Variants in VSNL1 observed in about 807,000 individuals in gnomAD.
VSNL1 encodes the protein visinin like 1.
Under a neutral mutation model 20.4 loss-of-function variants are expected in VSNL1, and 6 were observed. The observed-to-expected ratio is 0.29, with a 90% CI of 0.16 to 0.58. The LOEUF is 0.58. VSNL1 is among the 20% of genes least tolerant of loss of function. The pLI, the probability that VSNL1 is intolerant of heterozygous loss-of-function variation, is 0.90. For synonymous variants in VSNL1, 93 were observed against 86.4 expected (o/e 1.08, Z -0.42); for missense variants, 100 against 234.5 (o/e 0.43, Z 3.75).
At chr2:17,571,610 C>G (rs1664086395) in intron 1 of VSNL1, among the ~76,000 whole-genome samples, 1 of 152,180 alleles carries the variant, frequency 6.6e-6, no homozygotes, top group South Asian at 2.1e-4. Context: ...AGCACCTACT[C>G]AGCACCAGGG....
rs1666245237 is a variant in VSNL1 at position 17,656,945 on chromosome 2, T to A, written c.*1551T>A. ...ATTCAAGTACTTTTTATCAAATTCG[T>A]TTTTTACCGAATTCGTTTTTTACCA... On this transcript the variant is annotated 3_prime_UTR_variant, in exon 4 of 4. Coordinates refer to ENST00000295156, the MANE Select transcript of VSNL1 (RefSeq NM_003385.5). The A allele has an allele frequency of 6.6e-6, 1 of 152,132 alleles. No homozygotes were observed. The highest frequency in any genetic ancestry group is 2.4e-5 in the African/African-American group (1 of 41,412). 9.4% of individuals were successfully genotyped at this position (152,132 alleles called of 1,614,324 possible). A position where few individuals can be genotyped will look rare whatever the true frequency, so the allele number is the denominator to read the frequency against.
intron 2 of VSNL1, 118 bp downstream of exon 2, chr2:17,592,354 T>C: frequency 9.1e-7 from 1 of 1,101,002 alleles, no homozygotes; most frequent in Non-Finnish European, 1.3e-6. Flanking sequence ...ACTCTGGCTG[T>C]TTTCCATCCA....
At chr2:17,619,749 C>T (rs1665309625) in intron 2 of VSNL1, among the ~76,000 whole-genome samples, 1 of 152,086 alleles carries the variant, frequency 6.6e-6, no homozygotes, top group African/African-American at 2.4e-5. Flanking sequence ...ATTTCCTCAC[C>T]TGAGGAATGA....
Position 17,649,657 on chromosome 2 carries a change from G to A in VSNL1, c.378+32G>A. The A allele has an allele frequency of 6.2e-7, 1 of 1,609,586 alleles. No individual in the cohort carries two copies. The highest frequency in any genetic ancestry group is 8.5e-7 in the Non-Finnish European group (1 of 1,176,920). ...CCCGGGGTGTGGTTGGCGGGTGGTG[G>A]GCACAGAAGGAGACCCCACGGCAGC... On this transcript the variant is annotated intron_variant, in intron 3 of 3. Transcript: ENST00000295156. The surrounding 1 kb of genome is among the most constrained non-coding windows in gnomAD (Gnocchi z 6.4).
chr2:17,604,614 A>G (rs879806521), intron 2 of VSNL1, among the ~76,000 whole-genome samples: 1 of 152,234 alleles, frequency 6.6e-6, no homozygotes, highest in Non-Finnish European at 1.5e-5. Context: ...TTCCCGTGAG[A>G]ACCAGCTGGG....
At chr2:17,584,936 G>T (rs540184757) in intron 1 of VSNL1, among the ~76,000 whole-genome samples, 3 of 152,044 alleles carry the variant, frequency 2.0e-5, no homozygotes, top group Non-Finnish European at 2.9e-5. Context: ...TGATCCCTGG[G>T]GCCCACTTCT....
intron 1 of VSNL1, among the ~76,000 whole-genome samples, chr2:17,581,004 C>T (rs1489363517): frequency 6.6e-6 from 1 of 152,150 alleles, no homozygotes; most frequent in African/African-American, 2.4e-5. Context: ...GACCAAACTT[C>T]CTGTGCACAC....
rs1664022739 is a variant in VSNL1, at chr2:17,569,104, T to G, written c.-5-22966T>G. Among the ~76,000 whole-genome samples the G allele has an allele frequency of 5.3e-5, 8 of 152,218 alleles. No individual in the cohort carries two copies. The South Asian group carries it at 1.7e-3, about 32-fold the overall frequency. On this transcript the variant is annotated intron_variant, in intron 1 of 3. Coordinates refer to ENST00000295156, the MANE Select transcript of VSNL1 (RefSeq NM_003385.5). The stretch of plus-strand genomic sequence containing the variant: ...GGGCAGATCACTGAGGTCAGGAGTT[T>G]GAGACCTGTCTGGCCAACATGGCGA...
intron 2 of VSNL1, among the ~76,000 whole-genome samples, chr2:17,612,962 G>T (rs1380822324): frequency 6.6e-6 from 1 of 152,178 alleles, no homozygotes; most frequent in East Asian, 1.9e-4. Flanking sequence ...GTGCAGTGCA[G>T]TGCAGTGCAG....
intron 2 of VSNL1, among the ~76,000 whole-genome samples, chr2:17,615,988 T>C (rs1165083361): frequency 6.6e-6 from 1 of 152,222 alleles, no homozygotes; most frequent in Non-Finnish European, 1.5e-5. Context: ...GGCAAGGGAA[T>C]GGATCCTCCC....
At chr2:17,584,019 T>C (rs190969253) in intron 1 of VSNL1, among the ~76,000 whole-genome samples, 2 of 152,348 alleles carry the variant, frequency 1.3e-5, no homozygotes, top group Non-Finnish European at 2.9e-5. Context: ...TTATCTCATT[T>C]ATCCTCACAA....
intron 2 of VSNL1, among the ~76,000 whole-genome samples, chr2:17,625,080 C>T (rs992881859): frequency 1.3e-5 from 2 of 152,154 alleles, no homozygotes; most frequent in African/African-American, 2.4e-5. Flanking sequence ...ATAAGTCTCA[C>T]GAGCTCTGAT....
At chr2:17,541,444 G>T (rs1403875063) in intron 1 of VSNL1, 4 of 152,174 alleles carry the variant, frequency 2.6e-5, no homozygotes, top group Non-Finnish European at 5.9e-5. Flanking sequence ...GGAGTCAGGC[G>T]CAAAATGAGC....
chr2:17,595,207 G>A (rs1235739796), intron 2 of VSNL1, among the ~76,000 whole-genome samples: 1 of 152,180 alleles, frequency 6.6e-6, no homozygotes, highest in Non-Finnish European at 1.5e-5. Context: ...GCTAGCACAG[G>A]GCCTGCCACG....
At chr2:17,600,754 A>G (rs887268261) in intron 2 of VSNL1, among the ~76,000 whole-genome samples, 1 of 152,230 alleles carries the variant, frequency 6.6e-6, no homozygotes, top group South Asian at 2.1e-4. Flanking sequence ...TGCAATTTTT[A>G]GCATGTATTT....
At chr2:17,611,640 G>T (rs1207486098) in intron 2 of VSNL1, among the ~76,000 whole-genome samples, 1 of 152,020 alleles carries the variant, frequency 6.6e-6, no homozygotes, top group Non-Finnish European at 1.5e-5. Flanking sequence ...GCCAACTCCA[G>T]AACTCTCTGA....
At chr2:17,631,455 CAGAGGCAATGT>C (rs1255900225) in intron 2 of VSNL1, among the ~76,000 whole-genome samples, 4 of 152,116 alleles carry the variant, frequency 2.6e-5, no homozygotes, top group Non-Finnish European at 5.9e-5. Flanking sequence ...GTTCTGGTAT[CAGAGGCAATGT>C]AAAGGGTGCA....
intron 2 of VSNL1, among the ~76,000 whole-genome samples, chr2:17,595,927 G>C (rs1215457692): frequency 6.6e-6 from 1 of 152,140 alleles, no homozygotes; most frequent in Non-Finnish European, 1.5e-5. Context: ...TACAGTTCAA[G>C]TATTTTGACT....
At chr2:17,579,337 G>A (rs534906433) in intron 1 of VSNL1, among the ~76,000 whole-genome samples, 1 of 152,014 alleles carries the variant, frequency 6.6e-6, no homozygotes, top group East Asian at 1.9e-4. Flanking sequence ...GGATAGTGTC[G>A]ATCTCCTGAC....
Sources: allele counts gnomAD v4.1 joint callset (sites outside exome capture counted in the v4.1 genomes callset), GRCh38; gene constraint gnomAD v4.1.1; non-coding constraint Gnocchi (gnomAD v3.1); transcripts MANE v1.5; gene names NCBI Gene and HGNC (gene_info 2026-07-23, HGNC 2026-07-21).